The following ATXN7L1 variants were observed in gnomAD, a reference collection of about 807,000 sequenced individuals.
The protein encoded by ATXN7L1 is ataxin 7 like 1.
A neutral mutation model predicts 70.8 loss-of-function variants in ATXN7L1; 15 were observed. That is an observed-to-expected ratio of 0.21 (90% CI 0.14 to 0.33). The LOEUF (loss-of-function observed/expected upper bound fraction) is 0.33. ATXN7L1 is among the 10% of genes least tolerant of loss of function. ATXN7L1 has a pLI of 1.00. For synonymous variants in ATXN7L1, 440 were observed against 445.1 expected (o/e 0.99, Z 0.14); for missense variants, 975 against 1,097.1 (o/e 0.89, Z 1.57).
intron 3 of ATXN7L1, among the ~76,000 whole-genome samples, chr7:105,714,757 G>C (rs1285720846): frequency 6.6e-6 from 1 of 152,190 alleles, no homozygotes. Flanking sequence ...CTGCCTCCTG[G>C]ATTCAAGCAA....
chr7:105,859,814 G>C (rs1383108629), intron 2 of ATXN7L1, among the ~76,000 whole-genome samples: 1 of 131,966 alleles, frequency 7.6e-6, no homozygotes, highest in South Asian at 2.3e-4. Flanking sequence ...ACAGAGTCTC[G>C]CTCTGTTGGC....
At chr7:105,676,308 C>G (rs913568399) in intron 3 of ATXN7L1, among the ~76,000 whole-genome samples, 1 of 152,188 alleles carries the variant, frequency 6.6e-6, no homozygotes, top group Non-Finnish European at 1.5e-5. Context: ...ACCACAAACA[C>G]ACACCGCACA....
At chr7:105,693,894 A>G (rs1014915386) in intron 3 of ATXN7L1, among the ~76,000 whole-genome samples, 1 of 152,178 alleles carries the variant, frequency 6.6e-6, no homozygotes, top group African/African-American at 2.4e-5. Context: ...TGCCTGATAC[A>G]TCACAGGAGA....
chr7:105,790,723 C>CA (rs1271863058), intron 2 of ATXN7L1, among the ~76,000 whole-genome samples: 9 of 151,084 alleles, frequency 6.0e-5, no homozygotes, highest in Non-Finnish European at 1.3e-4. Flanking sequence ...ATCTATCTGA[C>CA]AAAAAAAGGT....
At chr7:105,725,637 G>A (rs898153568) in intron 3 of ATXN7L1, among the ~76,000 whole-genome samples, 1 of 149,164 alleles carries the variant, frequency 6.7e-6, no homozygotes, top group Non-Finnish European at 1.5e-5. Flanking sequence ...CTAGAGTGCA[G>A]TGGCGCCATC....
In ATXN7L1 at chr7:105,750,141, A is replaced by G. The variant is rs1008622663; in HGVS notation, c.355+38463T>C. ...CACTTTAGAAAGAAGCTGAGACTGA[A>G]AAGTCTGTCTTGACTTCCAAGGAAG... On this transcript the variant is annotated intron_variant, in intron 3 of 11. Coordinates refer to ENST00000419735, the MANE Select transcript of ATXN7L1 (RefSeq NM_020725.2). 3.3e-5 allele frequency among the ~76,000 whole-genome samples: 5 copies of G among 152,008 alleles called. 1 individual carries two copies. Among genetic ancestry groups the G allele is most frequent in the African/African-American group, 1.2e-4 (5 of 41,520 alleles).
intron 3 of ATXN7L1, among the ~76,000 whole-genome samples, chr7:105,717,662 C>T (rs1199264724): frequency 2.0e-5 from 3 of 152,200 alleles, no homozygotes; most frequent in African/African-American, 2.4e-5. Context: ...CCCCAATTTA[C>T]ATAACCAGCA....
intron 2 of ATXN7L1, among the ~76,000 whole-genome samples, chr7:105,808,234 G>C (rs1177243321): frequency 6.6e-6 from 1 of 152,188 alleles, no homozygotes; most frequent in Non-Finnish European, 1.5e-5. Context: ...TTTGTCCCCA[G>C]CCAAGTGTTT....
chr7:105,836,389 A>T (rs936136398), intron 2 of ATXN7L1, among the ~76,000 whole-genome samples: 3 of 152,196 alleles, frequency 2.0e-5, no homozygotes, highest in African/African-American at 7.2e-5. Context: ...TCAGAAAAAC[A>T]ACCGAACAAA....
In ATXN7L1 at chr7:105,613,783, C is replaced by G. The variant is rs964911822; in HGVS notation, c.2472+79G>C. On this transcript the variant is annotated intron_variant, in intron 10 of 11. Transcript: ENST00000419735. ...ATCAAGCTTGTGTTACCTGTCGGAG[C>G]CGCCCGGCTAAGCAGGGGCGCTGCC... is the stretch of plus-strand genomic sequence containing the variant. The G allele has an allele frequency of 2.7e-5, 42 of 1,547,632 alleles. No homozygotes were observed. The Admixed American group carries it at 6.6e-4, about 24-fold the overall frequency.
chr7:105,692,469 T>G (rs528845362), intron 3 of ATXN7L1, among the ~76,000 whole-genome samples: 34 of 112,660 alleles, frequency 3.0e-4, no homozygotes, highest in Non-Finnish European at 5.5e-4. Flanking sequence ...TTTTTTGAGA[T>G]GGAGTCTGGC....
chr7:105,638,081 C>A (rs1255249800), intron 7 of ATXN7L1, among the ~76,000 whole-genome samples: 2 of 152,156 alleles, frequency 1.3e-5, no homozygotes, highest in Non-Finnish European at 2.9e-5. Context: ...GATATAAGAT[C>A]TGCTTGTCTG....
chr7:105,814,509 G>A (rs1275971390), intron 2 of ATXN7L1, among the ~76,000 whole-genome samples: 3 of 152,022 alleles, frequency 2.0e-5, no homozygotes, highest in Non-Finnish European at 2.9e-5. Context: ...CATAAATATT[G>A]GATTATATTT....
intron 3 of ATXN7L1, among the ~76,000 whole-genome samples, chr7:105,748,051 G>C (rs943223418): frequency 6.6e-6 from 1 of 151,676 alleles, no homozygotes; most frequent in Non-Finnish European, 1.5e-5. Flanking sequence ...CTGGGAGGTG[G>C]AGGTTGTGGT....
rs1794141105 is a variant in ATXN7L1, at chr7:105,713,225, C to T, written c.356-47937G>A. Reference sequence around the variant, plus strand: ...TCCAATCACCTCCCACCAAGCCCCTCCTCCAATTTGACATGAGATTTTGGT... The same window carrying T: ...TCCAATCACCTCCCACCAAGCCCCTTCTCCAATTTGACATGAGATTTTGGT... On this transcript the variant is annotated intron_variant, in intron 3 of 11. Transcript: ENST00000419735. Among the ~76,000 whole-genome samples the T allele has an allele frequency of 1.3e-5, 2 of 152,196 alleles. 1 individual carries two copies. The highest frequency in any genetic ancestry group is 4.1e-4 in the South Asian group (2 of 4,820).
chr7:105,814,893 T>G (rs1359505361), intron 2 of ATXN7L1, among the ~76,000 whole-genome samples: 1 of 152,242 alleles, frequency 6.6e-6, no homozygotes, highest in Non-Finnish European at 1.5e-5. Context: ...TATTTATTAC[T>G]TGGTTTCACA....
intron 2 of ATXN7L1, among the ~76,000 whole-genome samples, chr7:105,819,012 T>C (rs981893490): frequency 9.9e-5 from 15 of 152,062 alleles, no homozygotes; most frequent in African/African-American, 3.6e-4. Context: ...TAGGTATTTC[T>C]CCTAATGCTA....
intron 3 of ATXN7L1, among the ~76,000 whole-genome samples, chr7:105,776,642 G>A (rs1802776794): frequency 6.6e-6 from 1 of 152,012 alleles, no homozygotes; most frequent in Non-Finnish European, 1.5e-5. Context: ...GGGGAGGGGT[G>A]GATAAGTACA....
chr7:105,651,487 G>A (rs1318897253), intron 4 of ATXN7L1, among the ~76,000 whole-genome samples: 1 of 152,166 alleles, frequency 6.6e-6, no homozygotes, highest in African/African-American at 2.4e-5. Flanking sequence ...AGTCCCTTCT[G>A]GTCCCACCGT....
Sources: allele counts gnomAD v4.1 joint callset (sites outside exome capture counted in the v4.1 genomes callset), GRCh38; gene constraint gnomAD v4.1.1; transcripts MANE v1.5; gene names NCBI Gene and HGNC (gene_info 2026-07-23, HGNC 2026-07-21).